The following PSIP1 variants were observed in gnomAD, a reference collection of about 807,000 sequenced individuals.
PSIP1 encodes PC4 and SRSF1 interacting protein 1, also known as PC4 and SFRS1-interacting protein.
Under a neutral mutation model 74.7 loss-of-function variants are expected in PSIP1, and 19 were observed. That is an observed-to-expected ratio of 0.25 (90% CI 0.18 to 0.37). PSIP1 has a LOEUF of 0.37. PSIP1 is among the 10% of genes least tolerant of loss of function. PSIP1 has a pLI of 1.00. For synonymous variants in PSIP1, 222 were observed against 195.3 expected, an observed-to-expected ratio of 1.14 and a Z score of -1.14; for missense variants, 601 against 614.3, an observed-to-expected ratio of 0.98 and a Z score of 0.23.
intron 3 of PSIP1, among the ~76,000 whole-genome samples, chr9:15,497,809 CAAAGT>C (rs2037154458): frequency 6.6e-6 from 1 of 152,104 alleles, no homozygotes; most frequent in Non-Finnish European, 1.5e-5. Flanking sequence ...CATATCCTAT[CAAAGT>C]AAACTAATCC....
At chr9:15,510,058 C>T (rs938436512) in intron 2 of PSIP1, 59 bp downstream of exon 2, 6 of 1,473,338 alleles carry the variant, frequency 4.1e-6, no homozygotes, top group African/African-American at 1.4e-5. Flanking sequence ...ACACGGTGGG[C>T]AGCAGGCCTC....
In PSIP1 at chr9:15,466,792, G is replaced by C. The variant is rs1306721585; in HGVS notation, c.1488C>G (p.Ser496Arg). 4 of 1,612,980 alleles carry C rather than the reference G, an allele frequency of 2.5e-6. No homozygotes were observed. Among genetic ancestry groups the C allele is most frequent in the Non-Finnish European group, 3.4e-6 (4 of 1,179,606 alleles). Residue 496 changes from serine to arginine, a missense_variant, in exon 15 of 16, where the codon AGC becomes AGG. Physicochemically the swap from Ser to Arg is moderately radical, Grantham distance 110. Transcript: ENST00000380733. ...CATGGTTGTCTTTGCTGTCTTCATT[G>C]CTCTCCCCGTTATGTTGTGGCTGAT... The part of the protein sequence containing the change: ...DGNQPQHNGE[S>R]NEDSKDNHEA...
At chr9:15,475,645 TA>T (rs1319070017) in intron 8 of PSIP1, among the ~76,000 whole-genome samples, 1 of 152,156 alleles carries the variant, frequency 6.6e-6, no homozygotes, top group Admixed American at 6.6e-5. Flanking sequence ...AGCTGGTCTT[TA>T]AAAAGTGACT....
intron 10 of PSIP1, chr9:15,471,272 T>C: frequency 6.3e-7 from 1 of 1,581,580 alleles, no homozygotes; most frequent in South Asian, 1.1e-5. Flanking sequence ...GCATAATGCA[T>C]TTCACACAAG....
intron 3 of PSIP1, among the ~76,000 whole-genome samples, chr9:15,501,857 ATATATATAT>A (rs1234013681): frequency 3.4e-5 from 5 of 147,604 alleles, no homozygotes; most frequent in East Asian, 2.0e-4. Flanking sequence ...ATATATATAT[ATATATATAT>A]AAAACGCACA....
intron 4 of PSIP1, 53 bp from the exon 5 acceptor site, chr9:15,486,984 T>C: frequency 3.4e-6 from 4 of 1,164,810 alleles, no homozygotes; most frequent in Non-Finnish European, 4.9e-6. Flanking sequence ...ATCCCAATAA[T>C]ATATACAATT....
At chr9:15,483,425 T>TA (rs2036423525) in intron 6 of PSIP1, among the ~76,000 whole-genome samples, 3 of 148,520 alleles carry the variant, frequency 2.0e-5, no homozygotes, top group South Asian at 4.4e-4. Flanking sequence ...ATCCCATCTC[T>TA]CGTCTACACC....
At chr9:15,469,116 G>A in intron 12 of PSIP1, 58 bp from the exon 13 acceptor site, 1 of 1,494,552 alleles carries the variant, frequency 6.7e-7, no homozygotes, top group Non-Finnish European at 9.2e-7. Context: ...TAAACAATCT[G>A]TTTCTAAAGA....
At chr9:15,476,549 C>A (rs2036088933) in intron 8 of PSIP1, among the ~76,000 whole-genome samples, 1 of 152,098 alleles carries the variant, frequency 6.6e-6, no homozygotes, top group African/African-American at 2.4e-5. Flanking sequence ...GGGTGATAGC[C>A]TGGGTCAAAG....
chr9:15,498,712 C>T (rs1451944354), intron 3 of PSIP1, among the ~76,000 whole-genome samples: 1 of 152,024 alleles, frequency 6.6e-6, no homozygotes, highest in African/African-American at 2.4e-5. Flanking sequence ...TATAATTATA[C>T]ATAATATCAA....
chr9:15,496,770 AT>A (rs1490207366), intron 3 of PSIP1, among the ~76,000 whole-genome samples: 1 of 152,224 alleles, frequency 6.6e-6, no homozygotes, highest in East Asian at 1.9e-4. Flanking sequence ...ACAAATGTAA[AT>A]TCATGTTAAG....
At chr9:15,479,232 AAAT>A (rs1398777011) in intron 7 of PSIP1, among the ~76,000 whole-genome samples, 1 of 152,134 alleles carries the variant, frequency 6.6e-6, no homozygotes, top group African/African-American at 2.4e-5. Flanking sequence ...CACAAATTTA[AAAT>A]ATTAATGACT....
chr9:15,471,863 C>G, intron 10 of PSIP1: 1 of 979,172 alleles, frequency 1.0e-6, no homozygotes, highest in Non-Finnish European at 1.2e-6. Context: ...CTCACTAAAA[C>G]AACAACAAAA....
At chr9:15,501,447 G>C (rs1004530049) in intron 3 of PSIP1, among the ~76,000 whole-genome samples, 5 of 152,018 alleles carry the variant, frequency 3.3e-5, no homozygotes, top group African/African-American at 1.2e-4. Context: ...ACACGAGGAG[G>C]AGGATGTGAG....
intron 3 of PSIP1, among the ~76,000 whole-genome samples, chr9:15,504,007 A>G (rs1378622813): frequency 6.6e-6 from 1 of 152,224 alleles, no homozygotes; most frequent in African/African-American, 2.4e-5. Context: ...AGCCTCCCAA[A>G]GTGCTGGGAT....
chr9:15,485,209 G>A (rs1369244262), intron 6 of PSIP1, among the ~76,000 whole-genome samples: 2 of 152,080 alleles, frequency 1.3e-5, no homozygotes, highest in Non-Finnish European at 2.9e-5. Context: ...ATTTCCCTCA[G>A]ACTTTATGGT....
chr9:15,474,084 C>G lies in PSIP1; in HGVS notation c.783G>C (p.Arg261Ser). 1.2e-6 allele frequency: 2 copies of G among 1,613,716 alleles called. No individual in the cohort carries two copies. The highest frequency in any genetic ancestry group is 2.2e-5 in the South Asian group (2 of 91,068). The change falls in exon 9 of 16, where the codon AGG becomes AGC. Residue 261 changes from arginine to serine, a missense_variant. This residue lies in a region of PSIP1 where 538 missense variants were observed against 507.6 expected (regional missense o/e 1.06). Transcript: ENST00000380733. ...TAACCCCTGTTTTAGCTAAATTTTT[C>G]CTTTTTGATTCAACTTCTTTCTTCC... ...KEGKKEVESK[R>S]KNLAKTGVTS... is the part of the protein sequence containing the mutation.
At chr9:15,493,716 C>T (rs114138785) in intron 3 of PSIP1, among the ~76,000 whole-genome samples, 1,915 of 152,274 alleles carry the variant, frequency 0.013, 34 homozygotes, top group African/African-American at 0.044. Flanking sequence ...AGGGAATGAG[C>T]GCAAGCAGGG....
chr9:15,474,595 T>A (rs1039705422), intron 8 of PSIP1, among the ~76,000 whole-genome samples: 1 of 152,182 alleles, frequency 6.6e-6, no homozygotes, highest in Non-Finnish European at 1.5e-5. Context: ...CTTAAGCATA[T>A]GATAAATATA....
Sources: allele counts gnomAD v4.1 joint callset (sites outside exome capture counted in the v4.1 genomes callset), GRCh38; gene constraint gnomAD v4.1.1; regional missense constraint gnomAD v4.1.1; transcripts MANE v1.5; gene names NCBI Gene and HGNC (gene_info 2026-07-23, HGNC 2026-07-21).